Variants in DOCK3 observed in about 807,000 individuals in gnomAD.
The protein encoded by DOCK3 is dedicator of cytokinesis 3.
A neutral mutation model predicts 265.6 loss-of-function variants in DOCK3; 60 were observed. The ratio of observed to expected loss-of-function variants is 0.23; its 90% confidence interval spans 0.18 to 0.28. DOCK3 has a LOEUF of 0.28. Among genes scored for constraint, DOCK3 ranks in the 10% least tolerant of loss-of-function variants. The pLI, the probability that DOCK3 is intolerant of heterozygous loss-of-function variation, is 1.00. For missense variants in DOCK3, 1,981 were observed against 2,594.3 expected (o/e 0.76, Z 5.14); for synonymous variants, 881 against 938.0 (o/e 0.94, Z 1.11).
chr3:50,724,966 C>T (rs2037721707), intron 1 of DOCK3, among the ~76,000 whole-genome samples: 1 of 149,440 alleles, frequency 6.7e-6, no homozygotes, highest in Admixed American at 6.8e-5. Flanking sequence ...GCACTCCAAC[C>T]TGGGCAGCAG....
chr3:50,844,438 C>T (rs2045985778), intron 3 of DOCK3, among the ~76,000 whole-genome samples: 2 of 152,010 alleles, frequency 1.3e-5, no homozygotes, highest in Non-Finnish European at 2.9e-5. Flanking sequence ...CCAGGCGGGT[C>T]TCGAACTCTG....
At chr3:51,031,960 T>C (rs1257895316) in intron 5 of DOCK3, among the ~76,000 whole-genome samples, 1 of 152,188 alleles carries the variant, frequency 6.6e-6, no homozygotes, top group Non-Finnish European at 1.5e-5. Context: ...TTAGACTTTC[T>C]AGCTTCCAGA....
intron 5 of DOCK3, among the ~76,000 whole-genome samples, chr3:51,054,666 C>T (rs1001534457): frequency 2.0e-5 from 3 of 152,140 alleles, no homozygotes; most frequent in Admixed American, 6.5e-5. Flanking sequence ...TATTGGATTG[C>T]ATTACCTTTT....
At position 51,196,649 on chromosome 3, in the gene DOCK3, C is replaced by T. The variant is rs572185326; in HGVS notation, c.1038-12125C>T. On this transcript the variant is annotated intron_variant, in intron 12 of 52. Coordinates refer to ENST00000266037, the MANE Select transcript of DOCK3 (RefSeq NM_004947.5). ...TTTGTATTCATGTTCTGAGATTCTTCTGCCTATTCTAGTCTATTACAGAAG... is the reference window on the plus strand; with the variant it reads ...TTTGTATTCATGTTCTGAGATTCTTTTGCCTATTCTAGTCTATTACAGAAG... Among the ~76,000 whole-genome samples, 5 of 152,282 alleles carry T rather than the reference C, an allele frequency of 3.3e-5. No individual in the cohort carries two copies. In the South Asian group the frequency reaches 6.2e-4, roughly 19 times the overall value.
rs368237077 is a variant in DOCK3 at position 51,227,457 on chromosome 3, T to A, written c.1540+12T>A. On this transcript the variant is annotated intron_variant, in intron 16 of 52. Transcript: ENST00000266037. ...CAGACATTGTTCCAGTGAGTTAGACTTCCCCCCCTCCACATTCCCTTGAGA... is the reference window on the plus strand; with the variant it reads ...CAGACATTGTTCCAGTGAGTTAGACATCCCCCCCTCCACATTCCCTTGAGA... 1.2e-6 allele frequency: 2 copies of A among 1,613,586 alleles called. No individual in the cohort carries two copies. The highest frequency in any genetic ancestry group is 2.2e-5 in the East Asian group (1 of 44,876).
At chr3:51,377,363 C>G (rs1318037875) in intron 51 of DOCK3, among the ~76,000 whole-genome samples, 1 of 152,256 alleles carries the variant, frequency 6.6e-6, no homozygotes, top group Non-Finnish European at 1.5e-5. Flanking sequence ...AGGGCAGGAA[C>G]TATACATACT....
chr3:50,692,124 C>T (rs1002559510), intron 1 of DOCK3, among the ~76,000 whole-genome samples: 5 of 151,920 alleles, frequency 3.3e-5, no homozygotes, highest in Non-Finnish European at 4.4e-5. Context: ...GCTATGTTGC[C>T]CAGACTGGTT....
In DOCK3 at chr3:51,286,970, C is replaced by T. The variant is rs965879178; in HGVS notation, c.2922+6766C>T. On this transcript the variant is annotated intron_variant, in intron 27 of 52. Transcript: ENST00000266037. ...AATTTGCAACAAAAGCAAAAATTGA[C>T]GAATGTGATCTAATTAAAGAGCTTC... is the stretch of plus-strand genomic sequence containing the variant. Among the ~76,000 whole-genome samples, 64 of 152,054 alleles carry T rather than the reference C, an allele frequency of 4.2e-4. 1 individual carries two copies. Among genetic ancestry groups the T allele is most frequent in the Non-Finnish European group, 8.2e-4 (56 of 68,020 alleles).
intron 1 of DOCK3, among the ~76,000 whole-genome samples, chr3:50,712,977 A>G (rs566959498): frequency 6.6e-6 from 1 of 152,186 alleles, no homozygotes; most frequent in Non-Finnish European, 1.5e-5. Flanking sequence ...TTAATAAGAA[A>G]TATATGTAGG....
chr3:51,310,081 GC>G, intron 27 of DOCK3, 150 bp from the exon 28 acceptor site: 1 of 673,690 alleles, frequency 1.5e-6, no homozygotes. Flanking sequence ...CTCTCATGTA[GC>G]CCTCTAAGAG....
intron 5 of DOCK3, among the ~76,000 whole-genome samples, chr3:51,027,289 T>G (rs936562710): frequency 6.6e-6 from 1 of 152,186 alleles, no homozygotes; most frequent in Non-Finnish European, 1.5e-5. Context: ...ATTTCTAATT[T>G]TATTCAACTG....
At chr3:50,754,603 A>C (rs1438125789) in intron 1 of DOCK3, among the ~76,000 whole-genome samples, 1 of 140,960 alleles carries the variant, frequency 7.1e-6, no homozygotes, top group Non-Finnish European at 1.5e-5. Flanking sequence ...CTTGTCGCCC[A>C]GACTGGGGTG....
At chr3:51,120,242 G>A (rs1451277951) in intron 9 of DOCK3, among the ~76,000 whole-genome samples, 2 of 152,152 alleles carry the variant, frequency 1.3e-5, no homozygotes, top group Non-Finnish European at 2.9e-5. Flanking sequence ...AGATCCACTG[G>A]AGTTTGCTAG....
At chr3:50,751,801 G>A (rs2675809) in intron 1 of DOCK3, among the ~76,000 whole-genome samples, 14,354 of 152,196 alleles carry the variant, frequency 0.094, 837 homozygotes, top group Non-Finnish European at 0.12. Flanking sequence ...GAAACTTACA[G>A]TCATGGTGGA....
intron 4 of DOCK3, among the ~76,000 whole-genome samples, chr3:50,914,901 C>T (rs1371302687): frequency 6.6e-6 from 1 of 151,982 alleles, no homozygotes; most frequent in African/African-American, 2.4e-5. Context: ...CAAGCATTTG[C>T]AGTGGTGCTG....
Position 51,374,315 on chromosome 3 carries a change from G to A in DOCK3, c.5294-154G>A, listed in dbSNP as rs2087918460. On this transcript the variant is annotated intron_variant, in intron 49 of 52. Transcript: ENST00000266037. The surrounding 1 kb of genome is among the most constrained non-coding windows in gnomAD (Gnocchi z 4.8). ...AGCCACTGCCACCATCTAACAACCAGACTCTGCTTCATTCCTCCTGTGCTT... is the reference window on the plus strand; with the variant it reads ...AGCCACTGCCACCATCTAACAACCAAACTCTGCTTCATTCCTCCTGTGCTT... 6.6e-6 allele frequency among the ~76,000 whole-genome samples: 1 copy of A among 152,156 alleles called. No homozygotes were observed. The highest frequency in any genetic ancestry group is 1.5e-5 in the Non-Finnish European group (1 of 68,038).
chr3:51,112,376 A>C (rs1002626441), intron 9 of DOCK3, among the ~76,000 whole-genome samples: 1 of 152,232 alleles, frequency 6.6e-6, no homozygotes, highest in Non-Finnish European at 1.5e-5. Context: ...TGTAAAGTTC[A>C]AGAATAGGCA....
intron 14 of DOCK3, among the ~76,000 whole-genome samples, chr3:51,217,673 A>T (rs192187320): frequency 4.7e-4 from 72 of 152,318 alleles, no homozygotes; most frequent in Admixed American, 1.4e-3. Context: ...TTTTAAGAAG[A>T]TGGGCAGGCA....
intron 50 of DOCK3, among the ~76,000 whole-genome samples, chr3:51,375,113 G>A (rs1395543133): frequency 6.6e-6 from 1 of 152,210 alleles, no homozygotes; most frequent in Non-Finnish European, 1.5e-5. Context: ...AGAAGCTGTA[G>A]GGATTAACTC....
Sources: allele counts gnomAD v4.1 joint callset (sites outside exome capture counted in the v4.1 genomes callset), GRCh38; gene constraint gnomAD v4.1.1; non-coding constraint Gnocchi (gnomAD v3.1); transcripts MANE v1.5; gene names NCBI Gene and HGNC (gene_info 2026-07-23, HGNC 2026-07-21).